RIMBP2: variants seen among roughly 807,000 people sequenced by gnomAD.
RIMBP2 encodes RIMS binding protein 2, also known as RIMS-binding protein 2.
Under a neutral mutation model 118.6 loss-of-function variants are expected in RIMBP2, and 48 were observed. The observed-to-expected ratio is 0.40, with a 90% confidence interval of 0.32 to 0.51. RIMBP2 has a LOEUF of 0.51. RIMBP2 is among the 20% of genes least tolerant of loss of function. The pLI is 0.41. For synonymous variants in RIMBP2, 762 were observed against 742.9 expected, an observed-to-expected ratio of 1.03 and a Z score of -0.42; for missense variants, 1,551 against 1,768.3, an observed-to-expected ratio of 0.88 and a Z score of 2.20.
At chr12:130,415,959 C>CCACACA (rs34091063) in intron 17 of RIMBP2, among the ~76,000 whole-genome samples, 81 of 81,550 alleles carry the variant, frequency 9.9e-4, no homozygotes, top group African/African-American at 4.3e-3. Context: ...TTGACAATAG[C>CCACACA]CACACACACA....
At chr12:130,409,382 G>A (rs1382803501) in intron 19 of RIMBP2, among the ~76,000 whole-genome samples, 7 of 116,462 alleles carry the variant, frequency 6.0e-5, no homozygotes, top group Non-Finnish European at 1.1e-4. Context: ...TCGCTCTGTC[G>A]CCCAGGCTGG....
chr12:130,672,346 GT>G (rs1490413683), intron 1 of RIMBP2, among the ~76,000 whole-genome samples: 1 of 152,198 alleles, frequency 6.6e-6, no homozygotes, highest in African/African-American at 2.4e-5. Flanking sequence ...ATAAGAAATC[GT>G]TTTCCATCAG....
intron 1 of RIMBP2, chr12:130,668,315 G>A (rs756951794): frequency 6.6e-6 from 1 of 152,268 alleles, no homozygotes; most frequent in African/African-American, 2.4e-5. Flanking sequence ...CAAACAGCCT[G>A]TATGGCAGGG....
At chr12:130,403,733 G>A (rs1481753372) in intron 21 of RIMBP2, among the ~76,000 whole-genome samples, 1 of 151,960 alleles carries the variant, frequency 6.6e-6, no homozygotes, top group Non-Finnish European at 1.5e-5. Flanking sequence ...CATAATCCCG[G>A]TATCAAAAGC....
intron 2 of RIMBP2, among the ~76,000 whole-genome samples, chr12:130,535,782 TAC>T (rs1566218625): frequency 3.8e-5 from 5 of 129,958 alleles, no homozygotes; most frequent in Admixed American, 8.2e-5. Context: ...TATATATATA[TAC>T]ACATATTTTT....
chr12:130,605,103 A>G (rs1566351116), intron 2 of RIMBP2, among the ~76,000 whole-genome samples: 1 of 152,066 alleles, frequency 6.6e-6, no homozygotes, highest in African/African-American at 2.4e-5. Context: ...TGCAGGGTTC[A>G]CATGACGAGA....
At chr12:130,675,241 C>A (rs1201203453) in intron 1 of RIMBP2, among the ~76,000 whole-genome samples, 1 of 152,198 alleles carries the variant, frequency 6.6e-6, no homozygotes, top group African/African-American at 2.4e-5. Context: ...CGCAGGCCTT[C>A]GGGAACGATG....
intron 1 of RIMBP2, among the ~76,000 whole-genome samples, chr12:130,635,215 CT>C (rs2062278602): frequency 6.6e-6 from 1 of 152,180 alleles, no homozygotes; most frequent in Middle Eastern, 3.2e-3. Flanking sequence ...CTGGTTACTG[CT>C]GTAGAAAAAC....
chr12:130,645,365 C>G (rs189753798), intron 1 of RIMBP2, among the ~76,000 whole-genome samples: 370 of 152,296 alleles, frequency 2.4e-3, no homozygotes, highest in Non-Finnish European at 4.2e-3. Flanking sequence ...CTTCTATTAT[C>G]CAGAGGAGAA....
intron 1 of RIMBP2, among the ~76,000 whole-genome samples, chr12:130,697,428 C>A (rs778571362): frequency 1.3e-5 from 2 of 152,088 alleles, no homozygotes; most frequent in African/African-American, 4.8e-5. Context: ...GAGGCTGAGG[C>A]GAGAGGATTG....
chr12:130,713,852 G>T (rs1950141046), intron 1 of RIMBP2, among the ~76,000 whole-genome samples: 1 of 152,180 alleles, frequency 6.6e-6, no homozygotes, highest in Non-Finnish European at 1.5e-5. Flanking sequence ...TATGACCTCA[G>T]CCAAAGGCCA....
rs909899925 is a variant in RIMBP2, at chr12:130,450,336, C to T, written c.505-60G>A. The T allele has an allele frequency of 1.5e-5, 19 of 1,307,614 alleles. No individual in the cohort carries two copies. Among genetic ancestry groups the T allele is most frequent in the South Asian group, 7.5e-5 (6 of 80,374 alleles). 81.0% of individuals were successfully genotyped at this position (1,307,614 alleles called of 1,614,324 possible). ...AGCTGGAGGTGTCCCACCCCATTCC[C>T]GCGGCACACGGGAAAGCCCCTCGCA... On this transcript the variant is annotated intron_variant, in intron 8 of 22. Transcript: ENST00000690449. This position sits in a 1 kb window ranked among gnomAD's most constrained non-coding sequence, Gnocchi z 4.8.
At chr12:130,613,813 C>CA (rs376443531) in intron 2 of RIMBP2, among the ~76,000 whole-genome samples, 71,093 of 104,992 alleles carry the variant, frequency 0.68, 23,762 homozygotes, top group South Asian at 0.82. Context: ...GACTCTGTCT[C>CA]AAAAAAAAAA....
At chr12:130,648,040 C>CATGTGAACACACGTGTG (rs1293962289) in intron 1 of RIMBP2, among the ~76,000 whole-genome samples, 1 of 145,834 alleles carries the variant, frequency 6.9e-6, no homozygotes, top group Non-Finnish European at 1.5e-5. Flanking sequence ...TGTGTACACA[C>CATGTGAACACACGTGTG]CCGCCTCACG....
intron 11 of RIMBP2, among the ~76,000 whole-genome samples, chr12:130,439,579 G>C (rs1251336686): frequency 7.5e-6 from 1 of 132,454 alleles, no homozygotes; most frequent in Non-Finnish European, 1.6e-5. Context: ...ATGTGGGTCT[G>C]TGGGGGTATG....
At position 130,576,024 on chromosome 12, in the gene RIMBP2, C is replaced by T. The variant is rs1253950062; in HGVS notation, c.-217+52298G>A. Among the ~76,000 whole-genome samples the T allele has an allele frequency of 2.0e-5, 3 of 151,932 alleles. No individual in the cohort carries two copies. The highest frequency in any genetic ancestry group is 7.3e-5 in the African/African-American group (3 of 41,346). On this transcript the variant is annotated intron_variant, in intron 2 of 22. Coordinates refer to ENST00000690449, the MANE Select transcript of RIMBP2 (RefSeq NM_001393629.1). This position sits in a 1 kb window ranked among gnomAD's most constrained non-coding sequence, Gnocchi z 4.2. Reference sequence around the variant, plus strand: ...GGTGGCTCTTTGCAGTGAGGAGGAGCATGGTGGACAGAACAACTGCCAGTG... The same window carrying T: ...GGTGGCTCTTTGCAGTGAGGAGGAGTATGGTGGACAGAACAACTGCCAGTG...
At position 130,431,060 on chromosome 12, in the gene RIMBP2, G is replaced by A. The variant is rs2077118410; in HGVS notation, c.2254-2723C>T. ...TAAAGATATTATTTATTGGTACAGT[G>A]AGCATTTCTCATTGTGGACTTAATG... On this transcript the variant is annotated intron_variant, in intron 14 of 22. Transcript: ENST00000690449. This position sits in a 1 kb window ranked among gnomAD's most constrained non-coding sequence, Gnocchi z 4.0. 6.6e-6 allele frequency among the ~76,000 whole-genome samples: 1 copy of A among 152,208 alleles called. No homozygotes were observed. Among genetic ancestry groups the A allele is most frequent in the Non-Finnish European group, 1.5e-5 (1 of 68,042 alleles).
At chr12:130,711,264 T>C (rs1593056996) in intron 1 of RIMBP2, among the ~76,000 whole-genome samples, 1 of 152,124 alleles carries the variant, frequency 6.6e-6, no homozygotes, top group African/African-American at 2.4e-5. Context: ...AAAGAAGCTA[T>C]CCAGCCTCTC....
At chr12:130,679,441 C>T (rs1375603615) in intron 1 of RIMBP2, among the ~76,000 whole-genome samples, 2 of 152,216 alleles carry the variant, frequency 1.3e-5, no homozygotes, top group East Asian at 1.9e-4. Context: ...CTCACAATCG[C>T]CTTTTTAAAC....
Sources: allele counts gnomAD v4.1 joint callset (sites outside exome capture counted in the v4.1 genomes callset), GRCh38; gene constraint gnomAD v4.1.1; non-coding constraint Gnocchi (gnomAD v3.1); transcripts MANE v1.5; gene names NCBI Gene and HGNC (gene_info 2026-07-23, HGNC 2026-07-21).